CACNA1E: variants seen among roughly 807,000 people sequenced by gnomAD.
The protein encoded by CACNA1E is voltage-dependent R-type calcium channel subunit alpha-1E.
CACNA1E carries 40 observed loss-of-function variants against 259.2 expected under a neutral mutation model. The observed-to-expected ratio is 0.15, with a 90% CI of 0.12 to 0.20. The LOEUF is 0.20. Ranked by LOEUF, CACNA1E falls within the 10% of genes least tolerant of loss-of-function variation. The pLI is 1.00. For synonymous variants in CACNA1E, 1,104 were observed against 1,138.5 expected, an observed-to-expected ratio of 0.97 and a Z score of 0.61; for missense variants, 1,874 against 3,040.1, an observed-to-expected ratio of 0.62 and a Z score of 9.02.
chr1:181,756,603 C>G (rs1336635345), intron 29 of CACNA1E, among the ~76,000 whole-genome samples: 1 of 152,208 alleles, frequency 6.6e-6, no homozygotes, highest in Admixed American at 6.5e-5. Flanking sequence ...TAAGACACCA[C>G]TCTCTAGTGG....
chr1:181,710,889 A>G, intron 7 of CACNA1E, 65 bp from the exon 8 acceptor site: 1 of 1,139,100 alleles, frequency 8.8e-7, no homozygotes, highest in Non-Finnish European at 1.3e-6. Context: ...CTGTTGCTTG[A>G]TTCACTCTTT....
chr1:181,327,024 T>C (rs987310644), intron 1 of CACNA1E, among the ~76,000 whole-genome samples: 4 of 152,192 alleles, frequency 2.6e-5, no homozygotes, highest in African/African-American at 9.7e-5. Context: ...TCCCTTGGCA[T>C]CCCATGCTTA....
intron 1 of CACNA1E, among the ~76,000 whole-genome samples, chr1:181,325,997 C>G (rs1650756427): frequency 6.6e-6 from 1 of 152,204 alleles, no homozygotes; most frequent in Non-Finnish European, 1.5e-5. Flanking sequence ...GCCACACATC[C>G]TCGCCTCCTC....
intron 2 of CACNA1E, among the ~76,000 whole-genome samples, chr1:181,461,554 A>T (rs1661818912): frequency 6.6e-6 from 1 of 151,780 alleles, no homozygotes; most frequent in Admixed American, 6.6e-5. Context: ...AAAAAAAAAA[A>T]AAAAAAAAGT....
intron 6 of CACNA1E, among the ~76,000 whole-genome samples, chr1:181,608,973 C>T (rs1654490531): frequency 6.6e-6 from 1 of 152,212 alleles, no homozygotes; most frequent in Non-Finnish European, 1.5e-5. Flanking sequence ...GCCTGGGCCA[C>T]ACAGACAGCT....
chr1:181,484,099 C>T, intron 1 of CACNA1E, 89 bp downstream of exon 1: 1 of 1,329,650 alleles, frequency 7.5e-7, no homozygotes, highest in Non-Finnish European at 1.1e-6. Context: ...TATCCCCCAC[C>T]CCTTCCTGGT....
rs1454704468 is a variant in CACNA1E, at chr1:181,413,830, T to TGCCC, written c.434+251_434+254dup. On this transcript the variant is annotated intron_variant, in intron 2 of 11. Coordinates refer to the CACNA1E transcript ENST00000524607. ...CTGTCAGATGTGGGTGAATCAGCCT[T>TGCCC]GCCCCCAAGGCTCACTTGTTTTACT... is the stretch of plus-strand genomic sequence containing the variant. 7.2e-5 allele frequency among the ~76,000 whole-genome samples: 11 copies of TGCCC among 152,356 alleles called. No homozygotes were observed. In the East Asian group the frequency reaches 1.9e-3, roughly 27 times the overall value.
Position 181,720,864 on chromosome 1 carries a change from C to A in CACNA1E, c.1956+9C>A, listed in dbSNP as rs1169108932. 3.1e-6 allele frequency: 5 copies of A among 1,594,782 alleles called. No homozygotes were observed. The highest frequency in any genetic ancestry group is 4.3e-6 in the Non-Finnish European group (5 of 1,164,256). On this transcript the variant is annotated intron_variant, in intron 15 of 47. Transcript: ENST00000367573. ...TCATGACTGTGTTCCAGGTATGAGG[C>A]CAGCTGACGGTTCACAAGTGCTGCA...
intron 3 of CACNA1E, among the ~76,000 whole-genome samples, chr1:181,571,410 A>G (rs1650396953): frequency 6.6e-6 from 1 of 152,202 alleles, no homozygotes; most frequent in Admixed American, 6.5e-5. Context: ...AAGGCAAGGG[A>G]GAAGCATTCC....
intron 2 of CACNA1E, among the ~76,000 whole-genome samples, chr1:181,422,779 A>G (rs896949200): frequency 6.6e-6 from 1 of 152,132 alleles, no homozygotes; most frequent in Non-Finnish European, 1.5e-5. Flanking sequence ...GTCACTTGCT[A>G]TCACTTATAG....
rs189083018 is a variant in CACNA1E, at chr1:181,608,841, C to T, written c.951+28065C>T. 2.4e-3 allele frequency among the ~76,000 whole-genome samples: 372 copies of T among 152,312 alleles called. 2 individuals carry two copies. The highest frequency in any genetic ancestry group is 4.3e-3 in the Non-Finnish European group (295 of 68,028). On this transcript the variant is annotated intron_variant, in intron 6 of 47. Coordinates refer to ENST00000367573, the MANE Select transcript of CACNA1E (RefSeq NM_001205293.3). Reference sequence around the variant, plus strand: ...CCTCTTCCCTTATTTCTGAAGGTTTCTTCCACATTTCTCCTTATTGATTGT... The same window carrying T: ...CCTCTTCCCTTATTTCTGAAGGTTTTTTCCACATTTCTCCTTATTGATTGT...
At chr1:181,643,833 A>T (rs747791520) in intron 6 of CACNA1E, among the ~76,000 whole-genome samples, 18 of 152,138 alleles carry the variant, frequency 1.2e-4, no homozygotes, top group Admixed American at 2.0e-4. Context: ...AGTCCAGAGG[A>T]TTCTGAATGA....
In CACNA1E at chr1:181,756,555, G is replaced by A. The variant is rs12060735; in HGVS notation, c.4128-370G>A. On this transcript the variant is annotated intron_variant, in intron 29 of 47. Coordinates refer to ENST00000367573, the MANE Select transcript of CACNA1E (RefSeq NM_001205293.3). The stretch of plus-strand genomic sequence containing the variant: ...ACAGAATGCAGGTCTTATGCTGCCC[G>A]TAGTTGAAAGCTAATTTCTCAGAGA... Among the ~76,000 whole-genome samples the A allele has an allele frequency of 6.3e-3, 958 of 152,290 alleles. 16 individuals carry two copies. Among genetic ancestry groups the A allele is most frequent in the East Asian group, 0.06 (308 of 5,164 alleles).
intron 18 of CACNA1E, among the ~76,000 whole-genome samples, chr1:181,727,765 G>A (rs1036908613): frequency 6.6e-6 from 1 of 152,166 alleles, no homozygotes; most frequent in African/African-American, 2.4e-5. Flanking sequence ...GGGAGGGTCC[G>A]AGACCCCCAA....
At chr1:181,697,779 T>G (rs1399271858) in intron 7 of CACNA1E, among the ~76,000 whole-genome samples, 1 of 152,254 alleles carries the variant, frequency 6.6e-6, no homozygotes, top group East Asian at 1.9e-4. Flanking sequence ...TCTGAATTTA[T>G]CTTATGGACT....
intron 1 of CACNA1E, among the ~76,000 whole-genome samples, chr1:181,385,879 C>T (rs1655809519): frequency 6.6e-6 from 1 of 151,742 alleles, no homozygotes; most frequent in Admixed American, 6.6e-5. Flanking sequence ...CTCTCCCTCC[C>T]TCTCTTCCTC....
intron 1 of CACNA1E, among the ~76,000 whole-genome samples, chr1:181,325,257 C>CTG (rs371129720): frequency 6.6e-6 from 1 of 152,186 alleles, no homozygotes; most frequent in Non-Finnish European, 1.5e-5. Flanking sequence ...AGGGAGAAGG[C>CTG]TGTGTGTGTG....
chr1:181,410,367 C>T (rs1657760477), intron 1 of CACNA1E, among the ~76,000 whole-genome samples: 2 of 152,174 alleles, frequency 1.3e-5, no homozygotes, highest in African/African-American at 4.8e-5. Context: ...GCCTTGGTGG[C>T]CAAGTACCGA....
In CACNA1E at chr1:181,784,577, G is replaced by C; in HGVS notation, c.5471-84G>C. ...CTCTTAAAATATGAGGTGCCCTGCT[G>C]ATTCAGCTCCTACCTTCACCTCCTC... On this transcript the variant is annotated intron_variant, in intron 40 of 47. Transcript: ENST00000367573. The C allele has an allele frequency of 1.6e-5, 14 of 864,104 alleles. No homozygotes were observed. In the South Asian group the frequency reaches 2.3e-4, roughly 14 times the overall value. 53.5% of individuals were successfully genotyped at this position (864,104 alleles called of 1,614,324 possible).
Sources: gnomAD v4.1 joint callset for allele counts (sites outside exome capture counted in the v4.1 genomes callset) on GRCh38, gnomAD v4.1.1 for gene constraint, MANE v1.5 for transcripts, NCBI Gene and HGNC (gene_info 2026-07-23, HGNC 2026-07-21) for gene names.